The following B3GLCT variants were observed in gnomAD, a reference collection of about 807,000 sequenced individuals.
B3GLCT encodes beta 3-glucosyltransferase, also known as beta-1,3-glucosyltransferase.
A neutral mutation model predicts 63.4 loss-of-function variants in B3GLCT; 65 were observed. The observed-to-expected ratio is 1.03, with a 90% CI of 0.84 to 1.26. B3GLCT has a LOEUF of 1.26. B3GLCT is among the 50% of genes most tolerant of loss of function. B3GLCT has a pLI of 0.00. For missense variants in B3GLCT, 577 were observed against 604.8 expected (o/e 0.95, Z 0.48); for synonymous variants, 233 against 219.2 (o/e 1.06, Z -0.55).
At chr13:31,290,358 T>C (rs984755059) in intron 12 of B3GLCT, among the ~76,000 whole-genome samples, 4 of 152,352 alleles carry the variant, frequency 2.6e-5, no homozygotes, top group Non-Finnish European at 5.9e-5. Flanking sequence ...GAATGACTTA[T>C]AATCCTTTGG....
intron 2 of B3GLCT, among the ~76,000 whole-genome samples, chr13:31,217,192 G>T (rs1869605060): frequency 6.6e-6 from 1 of 152,260 alleles, no homozygotes; most frequent in Non-Finnish European, 1.5e-5. Flanking sequence ...TTTCCCTAAT[G>T]ATTAGTGATG....
At position 31,247,986 on chromosome 13, in the gene B3GLCT, C is replaced by A; in HGVS notation, c.459+20C>A. The A allele has an allele frequency of 7.6e-7, 1 of 1,314,084 alleles. No homozygotes were observed. The highest frequency in any genetic ancestry group is 2.3e-5 in the East Asian group (1 of 43,266). The allele number at this position is 1,314,084 out of a possible 1,614,324, so 81.4% of individuals were successfully genotyped here. A position where few individuals can be genotyped will look rare whatever the true frequency, so the allele number is the denominator to read the frequency against. Reference sequence around the variant, plus strand: ...TCTAAGGTGAATATAACTTCAATACCAGTTCTTATTTTGGGGGACAGTGTT... The same window carrying A: ...TCTAAGGTGAATATAACTTCAATACAAGTTCTTATTTTGGGGGACAGTGTT... On this transcript the variant is annotated intron_variant, in intron 6 of 14. Coordinates refer to ENST00000343307, the MANE Select transcript of B3GLCT (RefSeq NM_194318.4).
At position 31,274,650 on chromosome 13, in the gene B3GLCT, T is replaced by G. The variant is rs1293066172; in HGVS notation, c.780+22T>G. On this transcript the variant is annotated intron_variant, in intron 9 of 14. Transcript: ENST00000343307. ...TTGTGTGAGTAACAGAAGAAAAACTTCTTTGCATATCAAAGGAAAAATTTA... is the reference window on the plus strand; with the variant it reads ...TTGTGTGAGTAACAGAAGAAAAACTGCTTTGCATATCAAAGGAAAAATTTA... 16 of 1,613,916 alleles carry G rather than the reference T, an allele frequency of 9.9e-6. No homozygotes were observed. The Admixed American group carries it at 1.5e-4, about 15-fold the overall frequency.
At chr13:31,202,876 G>A (rs1351909808) in intron 1 of B3GLCT, among the ~76,000 whole-genome samples, 1 of 152,182 alleles carries the variant, frequency 6.6e-6, no homozygotes, top group Non-Finnish European at 1.5e-5. Context: ...GATAGAAGAA[G>A]CCTGGATGCC....
At chr13:31,232,408 G>A (rs1313899812) in intron 4 of B3GLCT, among the ~76,000 whole-genome samples, 2 of 112,484 alleles carry the variant, frequency 1.8e-5, no homozygotes, top group Non-Finnish European at 4.3e-5. Context: ...TATGTGGCTG[G>A]AGCAGGAGGG....
At chr13:31,222,779 C>T (rs1593254104) in intron 2 of B3GLCT, among the ~76,000 whole-genome samples, 173 bp from the exon 3 acceptor site, 2 of 152,210 alleles carry the variant, frequency 1.3e-5, no homozygotes, top group Non-Finnish European at 2.9e-5. Flanking sequence ...ATCATTGCTC[C>T]GTGGTCCCTT....
chr13:31,214,899 A>G, intron 1 of B3GLCT, 152 bp from the exon 2 acceptor site: 1 of 694,240 alleles, frequency 1.4e-6, no homozygotes. Flanking sequence ...AAAGCCAGTA[A>G]TACAAGTTTG....
Position 31,246,234 on chromosome 13 carries a change from A to G in B3GLCT, c.271-789A>G, listed in dbSNP as rs188061646. Among the ~76,000 whole-genome samples, 139 of 152,332 alleles carry G rather than the reference A, an allele frequency of 9.1e-4. 3 individuals carry two copies. The East Asian group carries it at 0.011, about 12-fold the overall frequency. On this transcript the variant is annotated intron_variant, in intron 4 of 14. Transcript: ENST00000343307. Reference sequence around the variant, plus strand: ...GTTTGTTGGGGGAGGAGGTTTAAGCATATGAGATATGAAATTTTTGACTTT... The same window carrying G: ...GTTTGTTGGGGGAGGAGGTTTAAGCGTATGAGATATGAAATTTTTGACTTT...
At chr13:31,287,107 G>A (rs1459984081) in intron 12 of B3GLCT, among the ~76,000 whole-genome samples, 4 of 152,184 alleles carry the variant, frequency 2.6e-5, no homozygotes, top group Non-Finnish European at 4.4e-5. Context: ...GCTTAGGGAG[G>A]GAGCACCAGA....
chr13:31,230,185 A>G (rs1870307940), intron 4 of B3GLCT, among the ~76,000 whole-genome samples: 2 of 152,218 alleles, frequency 1.3e-5, no homozygotes, highest in Non-Finnish European at 2.9e-5. Context: ...TAACATTTAA[A>G]ATAGGCATGA....
At chr13:31,229,070 A>G in intron 3 of B3GLCT, 115 bp from the exon 4 acceptor site, 3 of 700,794 alleles carry the variant, frequency 4.3e-6, no homozygotes, top group Middle Eastern at 3.9e-4. Flanking sequence ...ATTTTTTCCC[A>G]TTAAGAGTTT....
chr13:31,297,402 G>T, intron 12 of B3GLCT, among the ~76,000 whole-genome samples: 1 of 136,936 alleles, frequency 7.3e-6, no homozygotes, highest in Non-Finnish European at 1.5e-5. Flanking sequence ...TTTGATAGTC[G>T]CTATTCTAGT....
intron 13 of B3GLCT, among the ~76,000 whole-genome samples, chr13:31,318,933 A>G (rs17630829): frequency 0.024 from 3,660 of 152,280 alleles, 56 homozygotes; most frequent in Non-Finnish European, 0.032. Flanking sequence ...TTCATTGCAT[A>G]TTGGATTTAG....
chr13:31,316,748 C>T (rs1433222684), intron 12 of B3GLCT, among the ~76,000 whole-genome samples: 2 of 151,974 alleles, frequency 1.3e-5, no homozygotes, highest in Non-Finnish European at 2.9e-5. Flanking sequence ...TAGTACTACC[C>T]TTTGTGTCTA....
intron 14 of B3GLCT, among the ~76,000 whole-genome samples, chr13:31,324,513 A>G (rs999873838): frequency 6.6e-6 from 1 of 152,166 alleles, no homozygotes; most frequent in Non-Finnish European, 1.5e-5. Flanking sequence ...ATCCTCCTGC[A>G]TTATGTTTAG....
Position 31,331,280 on chromosome 13 carries a change from A to T in B3GLCT, c.*1612A>T, listed in dbSNP as rs139632638. On this transcript the variant is annotated 3_prime_UTR_variant, in exon 15 of 15. Coordinates refer to ENST00000343307, the MANE Select transcript of B3GLCT (RefSeq NM_194318.4). ...GAGCCCTGGCTGCCTACACCAGTGG[A>T]AAAGAGTCTCCAGTTCTGCTCTGGC... The T allele has an allele frequency of 7.7e-4, 118 of 152,326 alleles. No individual in the cohort carries two copies. Among genetic ancestry groups the T allele is most frequent in the African/African-American group, 2.6e-3 (108 of 41,558 alleles). The allele number at this position is 152,326 out of a possible 1,614,324, so 9.4% of individuals were successfully genotyped here.
intron 10 of B3GLCT, among the ~76,000 whole-genome samples, chr13:31,278,641 C>G (rs533204508): frequency 6.6e-6 from 1 of 152,278 alleles, no homozygotes; most frequent in East Asian, 1.9e-4. Context: ...ACTTTGAAGT[C>G]CATTTTGCAT....
At chr13:31,327,194 T>G (rs572918712) in intron 14 of B3GLCT, among the ~76,000 whole-genome samples, 1 of 152,178 alleles carries the variant, frequency 6.6e-6, no homozygotes, top group East Asian at 1.9e-4. Flanking sequence ...AGTAAGAGAT[T>G]AACAACAATA....
intron 7 of B3GLCT, among the ~76,000 whole-genome samples, chr13:31,268,413 T>C (rs1448349445): frequency 6.6e-6 from 1 of 152,186 alleles, no homozygotes; most frequent in Non-Finnish European, 1.5e-5. Context: ...GAGAGAGTTA[T>C]GTATGCACCA....
Sources: gnomAD v4.1 joint callset for allele counts (sites outside exome capture counted in the v4.1 genomes callset) on GRCh38, gnomAD v4.1.1 for gene constraint, MANE v1.5 for transcripts, NCBI Gene and HGNC (gene_info 2026-07-23, HGNC 2026-07-21) for gene names.